The following OPCML variants were observed in gnomAD, a reference collection of about 807,000 sequenced individuals.
OPCML encodes the protein opioid-binding protein/cell adhesion molecule.
A neutral mutation model predicts 37.8 loss-of-function variants in OPCML; 13 were observed. The ratio of observed to expected loss-of-function variants is 0.34; its 90% confidence interval spans 0.22 to 0.55. The LOEUF (loss-of-function observed/expected upper bound fraction) is 0.55. OPCML is among the 20% of genes least tolerant of loss of function. The probability of loss-of-function intolerance (pLI) is 0.91; values close to 1 mark genes in which losing one functional copy is unlikely to be tolerated. For missense variants in OPCML, 341 were observed against 435.6 expected (o/e 0.78, Z 1.93); for synonymous variants, 176 against 168.8 (o/e 1.04, Z -0.33).
At chr11:132,498,713 T>C (rs76948812) in intron 4 of OPCML, among the ~76,000 whole-genome samples, 1 of 142,714 alleles carries the variant, frequency 7.0e-6, no homozygotes, top group Non-Finnish European at 1.5e-5. Flanking sequence ...GCATATAGGA[T>C]CCGAAGAACC....
chr11:132,945,809 G>T (rs2136685850), intron 1 of OPCML, among the ~76,000 whole-genome samples: 1 of 152,260 alleles, frequency 6.6e-6, no homozygotes, highest in Non-Finnish European at 1.5e-5. Flanking sequence ...TTGAGACGGA[G>T]TCTCGCTCTG....
At chr11:133,231,620 T>C (rs956862344) in intron 1 of OPCML, among the ~76,000 whole-genome samples, 2 of 152,124 alleles carry the variant, frequency 1.3e-5, no homozygotes, top group Admixed American at 6.5e-5. Context: ...CAGCAACATG[T>C]TGATGAACAC....
In OPCML at chr11:132,472,157, C is replaced by G. The variant is rs148445716; in HGVS notation, c.506-34798G>C. ...ATGTCACATAAAGGGAATATCCCTA[C>G]CTTTTTAAATACTTCTCTGCACTTG... On this transcript the variant is annotated intron_variant, in intron 4 of 7. Coordinates refer to ENST00000524381, the MANE Select transcript of OPCML (RefSeq NM_001012393.5). 3.3e-5 allele frequency among the ~76,000 whole-genome samples: 5 copies of G among 152,294 alleles called. No individual in the cohort carries two copies. The East Asian group carries it at 9.6e-4, about 29-fold the overall frequency.
chr11:133,007,408 G>A, intron 1 of OPCML: 1 of 985,456 alleles, frequency 1.0e-6, no homozygotes, highest in Non-Finnish European at 1.2e-6. Context: ...CCCCATTAAA[G>A]AGTCAAAGAA....
intron 1 of OPCML, among the ~76,000 whole-genome samples, chr11:133,123,914 G>T (rs867972679): frequency 2.0e-5 from 3 of 152,190 alleles, no homozygotes; most frequent in Middle Eastern, 3.4e-3. Context: ...TATACTGAGC[G>T]GTCTCTGTGC....
Position 133,236,000 on chromosome 11 carries a change from C to A in OPCML, c.62-292990G>T, listed in dbSNP as rs148638817. 3.3e-5 allele frequency among the ~76,000 whole-genome samples: 5 copies of A among 152,226 alleles called. No homozygotes were observed. The Middle Eastern group carries it at 0.014, about 414-fold the overall frequency. ...CTTAAAACTGAGAATGGTAGTAAAA[C>A]GTTATATATACTATGTTTTCTCCTA... On this transcript the variant is annotated intron_variant, in intron 1 of 7. Transcript: ENST00000524381.
At chr11:132,451,387 G>T (rs954717312) in intron 4 of OPCML, among the ~76,000 whole-genome samples, 2 of 151,136 alleles carry the variant, frequency 1.3e-5, no homozygotes, top group Admixed American at 6.6e-5. Flanking sequence ...TGGGGCGGGG[G>T]TGGGGGCGCA....
At chr11:132,673,906 T>G (rs954494021) in intron 2 of OPCML, among the ~76,000 whole-genome samples, 1 of 152,124 alleles carries the variant, frequency 6.6e-6, no homozygotes, top group African/African-American at 2.4e-5. Context: ...ATTCCTTCCT[T>G]CCCTTTTCTC....
intron 1 of OPCML, among the ~76,000 whole-genome samples, chr11:133,358,636 A>G (rs992892635): frequency 1.3e-5 from 2 of 152,184 alleles, no homozygotes; most frequent in Non-Finnish European, 2.9e-5. Context: ...CTTTGTTCTC[A>G]TGTGGCTCAC....
chr11:132,725,619 T>C (rs2135992423), intron 2 of OPCML, among the ~76,000 whole-genome samples: 1 of 152,168 alleles, frequency 6.6e-6, no homozygotes, highest in African/African-American at 2.4e-5. Flanking sequence ...AGGCTGCAAA[T>C]TTTCCAAACT....
At chr11:133,228,925 T>G (rs2136381631) in intron 1 of OPCML, among the ~76,000 whole-genome samples, 1 of 152,320 alleles carries the variant, frequency 6.6e-6, no homozygotes, top group South Asian at 2.1e-4. Context: ...GGCAGACTTT[T>G]TATGTGCTGA....
At chr11:133,335,024 G>A (rs112733140) in intron 1 of OPCML, among the ~76,000 whole-genome samples, 1,561 of 152,290 alleles carry the variant, frequency 0.01, 27 homozygotes, top group African/African-American at 0.035. Flanking sequence ...TTGAACTGTT[G>A]ACATGTTGGG....
intron 2 of OPCML, among the ~76,000 whole-genome samples, chr11:132,806,547 A>G (rs1370003551): frequency 6.6e-6 from 1 of 152,148 alleles, no homozygotes; most frequent in African/African-American, 2.4e-5. Flanking sequence ...CAAATTACCC[A>G]CAAGGCATGC....
intron 1 of OPCML, among the ~76,000 whole-genome samples, chr11:133,247,487 T>C (rs1313762518): frequency 6.6e-6 from 1 of 152,068 alleles, no homozygotes; most frequent in Non-Finnish European, 1.5e-5. Context: ...TTATTGCAAA[T>C]AATGTCTTAA....
chr11:132,877,826 A>C (rs189900373), intron 2 of OPCML, among the ~76,000 whole-genome samples: 37 of 152,372 alleles, frequency 2.4e-4, no homozygotes, highest in African/African-American at 5.3e-4. Flanking sequence ...TGACTAGAGC[A>C]ACGTAAATTA....
intron 3 of OPCML, among the ~76,000 whole-genome samples, chr11:132,550,234 A>G (rs1434199264): frequency 6.6e-6 from 1 of 152,210 alleles, no homozygotes; most frequent in Admixed American, 6.5e-5. Flanking sequence ...AATAGTGTAT[A>G]TATTTGTCCC....
At chr11:133,345,537 C>T (rs140890476) in intron 1 of OPCML, among the ~76,000 whole-genome samples, 1 of 152,184 alleles carries the variant, frequency 6.6e-6, no homozygotes, top group African/African-American at 2.4e-5. Flanking sequence ...TGCTAGATTC[C>T]TGTTCACAAC....
At chr11:132,528,641 C>T (rs1162377847) in intron 4 of OPCML, among the ~76,000 whole-genome samples, 1 of 152,164 alleles carries the variant, frequency 6.6e-6, no homozygotes, top group Non-Finnish European at 1.5e-5. Flanking sequence ...GATAAATGTC[C>T]TAAAAGTGCT....
chr11:132,636,835 A>G (rs1173998016), intron 3 of OPCML, among the ~76,000 whole-genome samples: 1 of 152,220 alleles, frequency 6.6e-6, no homozygotes, highest in East Asian at 1.9e-4. Flanking sequence ...CTGCTCACTA[A>G]TAAGCTTCAT....
Sources: allele counts gnomAD v4.1 joint callset (sites outside exome capture counted in the v4.1 genomes callset), GRCh38; gene constraint gnomAD v4.1.1; transcripts MANE v1.5; gene names NCBI Gene and HGNC (gene_info 2026-07-23, HGNC 2026-07-21).